Variants in MRPS31 observed in about 807,000 individuals in gnomAD.
MRPS31 encodes mitochondrial ribosomal protein S31.
In MRPS31, 32 loss-of-function variants were observed where a neutral mutation model predicts 43.1. The observed-to-expected ratio is 0.74, with a 90% CI of 0.56 to 1.00. The LOEUF (loss-of-function observed/expected upper bound fraction) is 1.00. Among genes scored for constraint, MRPS31 ranks in the 50% least tolerant of loss-of-function variants. The pLI is 0.00. For synonymous variants in MRPS31, 165 were observed against 161.6 expected, an observed-to-expected ratio of 1.02 and a Z score of -0.16; for missense variants, 437 against 466.7, an observed-to-expected ratio of 0.94 and a Z score of 0.59.
At position 40,757,035 on chromosome 13, in the gene MRPS31, G is replaced by T. The variant is rs767967196; in HGVS notation, c.600-22C>A. ...GAAACTGAAATAATAAAAAGGTCAA[G>T]TGTATTAGAAATCTTAGCTACAGAA... On this transcript the variant is annotated intron_variant, in intron 3 of 6. Coordinates refer to ENST00000323563, the MANE Select transcript of MRPS31 (RefSeq NM_005830.4). 3.8e-6 allele frequency: 6 copies of T among 1,580,030 alleles called. No homozygotes were observed. In the Admixed American group the frequency reaches 7.2e-5, roughly 19 times the overall value.
At chr13:40,739,593 A>C (rs1350522898) in intron 6 of MRPS31, among the ~76,000 whole-genome samples, 1 of 152,228 alleles carries the variant, frequency 6.6e-6, no homozygotes, top group African/African-American at 2.4e-5. Context: ...AAACAGAGAC[A>C]TAGATCAATG....
At chr13:40,767,201 A>G (rs1252514043) in intron 1 of MRPS31, among the ~76,000 whole-genome samples, 168 bp from the exon 2 acceptor site, 1 of 150,058 alleles carries the variant, frequency 6.7e-6, no homozygotes, top group East Asian at 1.9e-4. Context: ...CTTGTTGCCC[A>G]GGCTGGAGTG....
At chr13:40,760,007 T>G (rs1880646600) in intron 2 of MRPS31, among the ~76,000 whole-genome samples, 1 of 152,046 alleles carries the variant, frequency 6.6e-6, no homozygotes, top group Admixed American at 6.6e-5. Flanking sequence ...TGGCAGCACA[T>G]GCTTGTAAAA....
intron 6 of MRPS31, among the ~76,000 whole-genome samples, chr13:40,736,324 T>C (rs1879905345): frequency 6.6e-6 from 1 of 151,844 alleles, no homozygotes; most frequent in Admixed American, 6.6e-5. Flanking sequence ...CTGAAAGTGA[T>C]GGGGAGAATG....
rs9577132 is a variant in MRPS31, at chr13:40,736,152, G to T, written c.959-6551C>A. Among the ~76,000 whole-genome samples the T allele has an allele frequency of 1.1e-3, 163 of 147,792 alleles. 1 individual carries two copies. The highest frequency in any genetic ancestry group is 4.0e-3 in the African/African-American group (157 of 38,924). ...GAAGAATGCAGAAGCCTCAGGAGCC[G>T]ATGCGATCAACTGGAAGAAAGGGTA... On this transcript the variant is annotated intron_variant, in intron 6 of 6. Transcript: ENST00000323563.
chr13:40,752,034 T>C (rs1757547824), intron 5 of MRPS31, among the ~76,000 whole-genome samples: 1 of 138,962 alleles, frequency 7.2e-6, no homozygotes, highest in Non-Finnish European at 1.6e-5. Context: ...TCTTTCTTTC[T>C]TTTTTTTTTT....
chr13:40,770,337 A>T (rs1411156016), intron 1 of MRPS31, among the ~76,000 whole-genome samples: 1 of 152,222 alleles, frequency 6.6e-6, no homozygotes. Context: ...TCGGAGGATA[A>T]ATACCAAAAC....
intron 6 of MRPS31, among the ~76,000 whole-genome samples, chr13:40,732,926 G>C (rs1352788045): frequency 2.0e-5 from 3 of 148,762 alleles, no homozygotes; most frequent in African/African-American, 7.4e-5. Flanking sequence ...GCTCACGCCT[G>C]TAATCTCAAC....
intron 6 of MRPS31, among the ~76,000 whole-genome samples, chr13:40,738,360 C>T (rs1280834444): frequency 2.0e-5 from 3 of 152,086 alleles, no homozygotes; most frequent in Non-Finnish European, 4.4e-5. Context: ...ACCAGAGGTA[C>T]AAGGAGGAAC....
At position 40,731,126 on chromosome 13, in the gene MRPS31, T is replaced by A. The variant is rs9566573; in HGVS notation, c.959-1525A>T. 302 of 152,106 alleles carry A rather than the reference T, an allele frequency of 2.0e-3. 3 individuals carry two copies. In the East Asian group the frequency reaches 0.048, roughly 24 times the overall value. The allele number at this position is 152,106 out of a possible 1,614,324, so 9.4% of individuals were successfully genotyped here. ...AAAATTAGCCAGGTGTGGTGGCACA[T>A]GCCTGTAGTCCCAGCTACTTGAAAG... On this transcript the variant is annotated intron_variant, in intron 6 of 6. Coordinates refer to ENST00000323563, the MANE Select transcript of MRPS31 (RefSeq NM_005830.4).
rs1880269020 is a variant in MRPS31, at chr13:40,747,398, TTAAA to T, written c.958+1736_958+1739del. On this transcript the variant is annotated intron_variant, in intron 6 of 6. Coordinates refer to ENST00000323563, the MANE Select transcript of MRPS31 (RefSeq NM_005830.4). ...AGAGAGGATACTGATACCCAGGAGC[TTAAA>T]TAATTTCCTCAAAGGCAAATGGCTA... 2.6e-5 allele frequency among the ~76,000 whole-genome samples: 4 copies of T among 152,306 alleles called. No individual in the cohort carries two copies. In the South Asian group the frequency reaches 8.3e-4, roughly 32 times the overall value.
At chr13:40,760,134 CA>C (rs11327076) in intron 2 of MRPS31, among the ~76,000 whole-genome samples, 28,938 of 77,612 alleles carry the variant, frequency 0.37, 2,187 homozygotes, top group Middle Eastern at 0.45. Context: ...TAGACTCTGT[CA>C]AAAAAAAAAA....
rs905050811 is a variant in MRPS31, at chr13:40,729,131, G to C, written c.*241C>G. 3.2e-6 allele frequency: 1 copy of C among 312,110 alleles called. No individual in the cohort carries two copies. The highest frequency in any genetic ancestry group is 2.2e-5 in the African/African-American group (1 of 46,488). The allele number at this position is 312,110 out of a possible 1,614,324, so 19.3% of individuals were successfully genotyped here. A position where few individuals can be genotyped will look rare whatever the true frequency, so the allele number is the denominator to read the frequency against. ...TCACCGAGTGAAAAGAAAAAGGTTA[G>C]GAGTTGTTGTCTTAAATGTATTACT... On this transcript the variant is annotated 3_prime_UTR_variant, in exon 7 of 7. Transcript: ENST00000323563.
At chr13:40,737,910 T>C (rs566290617) in intron 6 of MRPS31, among the ~76,000 whole-genome samples, 155 of 152,010 alleles carry the variant, frequency 1.0e-3, no homozygotes, top group African/African-American at 3.6e-3. Flanking sequence ...ATTCAAAAGC[T>C]AGCAGAAGGC....
At position 40,747,071 on chromosome 13, in the gene MRPS31, TTTTC is replaced by T. The variant is rs756188646; in HGVS notation, c.958+2063_958+2066del. Among the ~76,000 whole-genome samples the T allele has an allele frequency of 3.7e-4, 56 of 152,188 alleles. 2 individuals are homozygous for T. The highest frequency in any genetic ancestry group is 2.2e-3 in the Admixed American group (33 of 15,278). On this transcript the variant is annotated intron_variant, in intron 6 of 6. Coordinates refer to ENST00000323563, the MANE Select transcript of MRPS31 (RefSeq NM_005830.4). ...ATTATTATACCTCAATACTGTTTTT[TTTTC>T]TTTCTTTCTTTCTTTTTTTTTGAGG...
At chr13:40,733,388 G>T (rs1318149337) in intron 6 of MRPS31, among the ~76,000 whole-genome samples, 1 of 152,032 alleles carries the variant, frequency 6.6e-6, no homozygotes, top group African/African-American at 2.4e-5. Flanking sequence ...TGTCCCCGGA[G>T]CATAGAACAA....
chr13:40,767,132 A>T (rs1660673779), intron 1 of MRPS31, 99 bp from the exon 2 acceptor site: 1 of 978,940 alleles, frequency 1.0e-6, no homozygotes, highest in African/African-American at 1.7e-5. Context: ...TGTATCTAAG[A>T]TTTTTTTTCA....
At chr13:40,762,875 C>A (rs567593023) in intron 2 of MRPS31, among the ~76,000 whole-genome samples, 1 of 150,794 alleles carries the variant, frequency 6.6e-6, no homozygotes, top group Non-Finnish European at 1.5e-5. Flanking sequence ...ATCCCTCCCC[C>A]CATTTTAATG....
At chr13:40,730,477 A>T (rs1165121932) in intron 6 of MRPS31, among the ~76,000 whole-genome samples, 1 of 152,198 alleles carries the variant, frequency 6.6e-6, no homozygotes, top group Non-Finnish European at 1.5e-5. Flanking sequence ...GGGAGCCAAG[A>T]TCAAGCCACT....
Sources: allele counts gnomAD v4.1 joint callset (sites outside exome capture counted in the v4.1 genomes callset), GRCh38; gene constraint gnomAD v4.1.1; transcripts MANE v1.5; gene names NCBI Gene and HGNC (gene_info 2026-07-23, HGNC 2026-07-21).